The following COX16 variants were observed in gnomAD, a reference collection of about 807,000 sequenced individuals.
COX16 encodes the protein cytochrome c oxidase assembly protein COX16 homolog, mitochondrial.
COX16 carries 12 observed loss-of-function variants against 15.4 expected under a neutral mutation model. The ratio of observed to expected loss-of-function variants is 0.78; its 90% CI spans 0.50 to 1.26. The LOEUF (loss-of-function observed/expected upper bound fraction) is 1.26, where lower values mean the gene tolerates loss of function less well. Ranked by LOEUF, COX16 falls within the 50% of genes most tolerant of loss-of-function variation. The pLI is 0.00. For synonymous variants in COX16, 46 were observed against 41.1 expected (o/e 1.12, Z -0.46); for missense variants, 124 against 127.6 (o/e 0.97, Z 0.14).
chr14:70,333,248 A>C (rs1244567723), intron 2 of COX16, among the ~76,000 whole-genome samples: 2 of 152,244 alleles, frequency 1.3e-5, no homozygotes, highest in Non-Finnish European at 2.9e-5. Flanking sequence ...ACTGGAAACC[A>C]ACCCTAAAAT....
chr14:70,346,233 C>T (rs776572504), intron 1 of COX16, among the ~76,000 whole-genome samples: 1 of 152,172 alleles, frequency 6.6e-6, no homozygotes, highest in Non-Finnish European at 1.5e-5. Flanking sequence ...CTCACAAGAC[C>T]GTCTTAATTT....
intron 2 of COX16, among the ~76,000 whole-genome samples, chr14:70,332,658 T>A (rs1157325192): frequency 6.6e-6 from 1 of 152,082 alleles, no homozygotes; most frequent in Non-Finnish European, 1.5e-5. Context: ...CTTCAGCCCC[T>A]CCTGTGGAAG....
At chr14:70,329,373 T>C (rs959024830) in intron 2 of COX16, 137 bp from the exon 3 acceptor site, 2 of 656,906 alleles carry the variant, frequency 3.0e-6, no homozygotes, top group African/African-American at 3.7e-5. Context: ...CCATCTACTC[T>C]GATCACATAA....
At chr14:70,337,610 A>G (rs1886494781) in intron 2 of COX16, among the ~76,000 whole-genome samples, 1 of 152,122 alleles carries the variant, frequency 6.6e-6, no homozygotes, top group Non-Finnish European at 1.5e-5. Context: ...AACTGAAAAA[A>G]CAAGAGAAAA....
chr14:70,351,939 G>GCTA (rs1369653119), intron 1 of COX16, among the ~76,000 whole-genome samples: 1 of 152,032 alleles, frequency 6.6e-6, no homozygotes, highest in African/African-American at 2.4e-5. Flanking sequence ...TTTGCAAATG[G>GCTA]CTAGAACTTT....
intron 2 of COX16, among the ~76,000 whole-genome samples, chr14:70,340,042 C>A (rs1365781299): frequency 1.3e-5 from 2 of 152,190 alleles, no homozygotes; most frequent in Non-Finnish European, 2.9e-5. Context: ...CCCCTGTTCT[C>A]CTTAACTGGG....
chr14:70,346,392 G>A (rs962867742), intron 1 of COX16, among the ~76,000 whole-genome samples: 1 of 152,188 alleles, frequency 6.6e-6, no homozygotes, highest in Admixed American at 6.5e-5. Context: ...ACCTCCACTT[G>A]GCACCTTTTC....
At chr14:70,332,801 C>T (rs1886331243) in intron 2 of COX16, among the ~76,000 whole-genome samples, 1 of 152,262 alleles carries the variant, frequency 6.6e-6, no homozygotes, top group African/African-American at 2.4e-5. Context: ...CCTTTTGCTA[C>T]AGTCAAGAAC....
chr14:70,359,099 A>G (rs747731441), intron 1 of COX16: 8 of 437,112 alleles, frequency 1.8e-5, no homozygotes, highest in South Asian at 6.6e-5. Flanking sequence ...TCTAGTCCCA[A>G]TGATCCACAG....
At chr14:70,342,026 GAAAT>G (rs1886639348) in intron 2 of COX16, among the ~76,000 whole-genome samples, 1 of 152,080 alleles carries the variant, frequency 6.6e-6, no homozygotes, top group Admixed American at 6.5e-5. Context: ...TAAATTAAGA[GAAAT>G]AAAATAAAGC....
intron 1 of COX16, among the ~76,000 whole-genome samples, chr14:70,358,037 T>G (rs150042088): frequency 1.2e-3 from 179 of 152,342 alleles, no homozygotes; most frequent in African/African-American, 4.1e-3. Flanking sequence ...TGGAATTATA[T>G]CCATCAAAAG....
chr14:70,351,238 GCA>G (rs1886945082), intron 1 of COX16, among the ~76,000 whole-genome samples: 1 of 152,108 alleles, frequency 6.6e-6, no homozygotes, highest in East Asian at 1.9e-4. Flanking sequence ...CCATGTATAA[GCA>G]CAGACATTTT....
chr14:70,328,207 G>A (rs912072925), intron 3 of COX16: 22 of 150,096 alleles, frequency 1.5e-4, no homozygotes, highest in African/African-American at 5.4e-4. Context: ...GATTCTCTGG[G>A]GAGATAGTCT....
chr14:70,331,880 T>C (rs569464452), intron 2 of COX16, among the ~76,000 whole-genome samples: 29 of 152,272 alleles, frequency 1.9e-4, no homozygotes, highest in South Asian at 1.5e-3. Context: ...GCAACAAGAA[T>C]CCTGCACCTA....
At chr14:70,353,412 A>G (rs1887025774) in intron 1 of COX16, among the ~76,000 whole-genome samples, 1 of 148,534 alleles carries the variant, frequency 6.7e-6, no homozygotes, top group Non-Finnish European at 1.5e-5. Flanking sequence ...ATATACATAC[A>G]CATATATATA....
chr14:70,344,276 C>T (rs1349324140), intron 1 of COX16, among the ~76,000 whole-genome samples: 2 of 152,196 alleles, frequency 1.3e-5, no homozygotes, highest in African/African-American at 4.8e-5. Context: ...TTTGTTGGTC[C>T]TGCAAAGGCA....
intron 1 of COX16, among the ~76,000 whole-genome samples, chr14:70,356,380 T>A (rs1887126512): frequency 6.6e-6 from 1 of 152,096 alleles, no homozygotes; most frequent in South Asian, 2.1e-4. Context: ...GAGGTGGAGC[T>A]CAGGCAATAA....
At chr14:70,328,287 C>A (rs1566595760) in intron 3 of COX16, 1 of 151,804 alleles carries the variant, frequency 6.6e-6, no homozygotes, top group East Asian at 1.9e-4. Context: ...TACTTCCCTA[C>A]AAAGCACAAA....
At chr14:70,326,981 A>G (rs576106633) in intron 3 of COX16, among the ~76,000 whole-genome samples, 1 of 152,344 alleles carries the variant, frequency 6.6e-6, no homozygotes, top group African/African-American at 2.4e-5. Flanking sequence ...AACTGCAACT[A>G]CATTATGGAT....
Sources: gnomAD v4.1 joint callset for allele counts (sites outside exome capture counted in the v4.1 genomes callset) on GRCh38, gnomAD v4.1.1 for gene constraint, MANE v1.5 for transcripts, NCBI Gene and HGNC (gene_info 2026-07-23, HGNC 2026-07-21) for gene names.